The following GKN1 variants were observed in gnomAD, a reference collection of about 807,000 sequenced individuals.
GKN1 encodes the protein gastrokine-1.
Under a neutral mutation model 19.7 loss-of-function variants are expected in GKN1, and 17 were observed. The observed-to-expected ratio is 0.86, with a 90% CI of 0.59 to 1.29. GKN1 has a LOEUF of 1.29. Ranked by LOEUF, GKN1 falls within the 50% of genes most tolerant of loss-of-function variation. GKN1 has a pLI of 0.00. For missense variants in GKN1, 218 were observed against 224.5 expected (o/e 0.97, Z 0.19); for synonymous variants, 96 against 78.3 (o/e 1.23, Z -1.20).
intron 3 of GKN1, 80 bp from the exon 4 acceptor site, chr2:68,978,791 C>T (rs1670316042): frequency 2.8e-6 from 2 of 718,252 alleles, no homozygotes; most frequent in Non-Finnish European, 4.9e-6. Flanking sequence ...TCCCATTTCT[C>T]TCTGCAGGTG....
At chr2:68,978,229 GAAGAAAGAAAGAAGGAAGGAAAGA>G in intron 3 of GKN1, 1 of 116,908 alleles carries the variant, frequency 8.6e-6, no homozygotes, top group South Asian at 3.0e-4. Context: ...AGAGAGGAAA[GAAGAAAGAAAGAAGGAAGGAAAGA>G]AAGAAAGAAG....
chr2:68,978,325 GAGAAAGAGAGAAGGAA>G lies in GKN1; in HGVS notation c.205-527_205-512del, dbSNP rs918647913. Among the ~76,000 whole-genome samples, 6 of 136,362 alleles carry G rather than the reference GAGAAAGAGAGAAGGAA, an allele frequency of 4.4e-5. No individual in the cohort carries two copies. In the South Asian group the frequency reaches 7.3e-4, roughly 17 times the overall value. 89.5% of individuals were successfully genotyped at this position (136,362 alleles called of 152,430 possible). On this transcript the variant is annotated intron_variant, in intron 3 of 5. Transcript: ENST00000377938. ...GAGAAAGAAAGAAAAAGAAAAAAGA[GAGAAAGAGAGAAGGAA>G]AGAAAGAGAGAAGGAAAGGAAAAGA...
chr2:68,974,697 G>C lies in GKN1; in HGVS notation c.12+8G>C. 6.4e-7 allele frequency: 1 copy of C among 1,561,836 alleles called. No individual in the cohort carries two copies. Among genetic ancestry groups the C allele is most frequent in the Non-Finnish European group, 8.8e-7 (1 of 1,132,356 alleles). ...GACAAGATGAAGTTCACAGTGAGTAGATTTTTCCTTTTGAATTTACCACCA... is the reference window on the plus strand; with the variant it reads ...GACAAGATGAAGTTCACAGTGAGTACATTTTTCCTTTTGAATTTACCACCA... On this transcript the variant is annotated splice_region_variant and intron_variant, in intron 1 of 5. Coordinates refer to ENST00000377938, the MANE Select transcript of GKN1 (RefSeq NM_019617.4).
At chr2:68,976,570 C>T (rs997937692) in intron 1 of GKN1, among the ~76,000 whole-genome samples, 1 of 152,126 alleles carries the variant, frequency 6.6e-6, no homozygotes, top group African/African-American at 2.4e-5. Flanking sequence ...AATAACCAAG[C>T]CATGTCAGTT....
At position 68,980,843 on chromosome 2, in the gene GKN1, A is replaced by G. The variant is rs371896178; in HGVS notation, c.*20A>G. 200 of 1,160,588 alleles carry G rather than the reference A, an allele frequency of 1.7e-4. 1 individual carries two copies. The African/African-American group carries it at 2.3e-3, about 13-fold the overall frequency. 71.9% of individuals were successfully genotyped at this position (1,160,588 alleles called of 1,614,324 possible). The stretch of plus-strand genomic sequence containing the variant: ...AACTAAACAATTTTTTAAAGCCACT[A>G]TGGATTTAGTCATCTGAATATGCTG... On this transcript the variant is annotated 3_prime_UTR_variant, in exon 6 of 6. Coordinates refer to ENST00000377938, the MANE Select transcript of GKN1 (RefSeq NM_019617.4).
chr2:68,980,307 T>C (rs564187934), intron 5 of GKN1, among the ~76,000 whole-genome samples: 1 of 152,304 alleles, frequency 6.6e-6, no homozygotes, highest in Non-Finnish European at 1.5e-5. Context: ...TACAGAGAGG[T>C]CACAAAATCC....
intron 1 of GKN1, among the ~76,000 whole-genome samples, chr2:68,975,149 C>T (rs1482957034): frequency 6.6e-6 from 1 of 152,136 alleles, no homozygotes; most frequent in African/African-American, 2.4e-5. Flanking sequence ...ATTCCGGTCT[C>T]CATGCAGGGT....
At chr2:68,977,049 A>G (rs182719810) in intron 1 of GKN1, among the ~76,000 whole-genome samples, 43 of 152,332 alleles carry the variant, frequency 2.8e-4, no homozygotes, top group Non-Finnish European at 6.0e-4. Context: ...AGTCATCTTT[A>G]TGATACCACT....
At position 68,978,987 on chromosome 2, in the gene GKN1, AATAAAAGGCTTTTT is replaced by A. The variant is rs1385094502; in HGVS notation, c.315+9_315+22del. The A allele has an allele frequency of 6.9e-7, 1 of 1,448,504 alleles. No homozygotes were observed. The highest frequency in any genetic ancestry group is 1.2e-5 in the South Asian group (1 of 85,348). The allele number at this position is 1,448,504 out of a possible 1,614,324, so 89.7% of individuals were successfully genotyped here. A position where few individuals can be genotyped will look rare whatever the true frequency, so the allele number is the denominator to read the frequency against. ...CACTGGTCAAGGAAAAGAAGGTAAA[AATAAAAGGCTTTTT>A]ATTTTTGGTGAGGGGAGAGGTTTTA... On this transcript the variant is annotated splice_region_variant and intron_variant, in intron 4 of 5. Transcript: ENST00000377938.
At chr2:68,979,285 G>T (rs77405620) in intron 4 of GKN1, among the ~76,000 whole-genome samples, 2 of 152,326 alleles carry the variant, frequency 1.3e-5, no homozygotes, top group East Asian at 3.9e-4. Context: ...GCAAGAGTTA[G>T]TTAGGGTTAT....
intron 1 of GKN1, among the ~76,000 whole-genome samples, chr2:68,976,178 T>C (rs1670259548): frequency 6.6e-6 from 1 of 152,164 alleles, no homozygotes; most frequent in Admixed American, 6.6e-5. Flanking sequence ...AAAAGATTAT[T>C]TCTATTAGGA....
At chr2:68,977,998 C>G in intron 3 of GKN1, 1 of 541,464 alleles carries the variant, frequency 1.8e-6, no homozygotes. Flanking sequence ...CCAACAAACA[C>G]TATGTTCAAG....
chr2:68,977,921 T>C, intron 3 of GKN1, 147 bp downstream of exon 3: 1 of 669,458 alleles, frequency 1.5e-6, no homozygotes, highest in Non-Finnish European at 2.5e-6. Context: ...ACCATTTTGC[T>C]CATCCGATTT....
rs200879154 is a variant in GKN1, at chr2:68,977,686, C to G, written c.116C>G (p.Ser39Ter). 1.9e-5 allele frequency: 30 copies of G among 1,606,086 alleles called. No homozygotes were observed. The highest frequency in any genetic ancestry group is 2.4e-5 in the Non-Finnish European group (28 of 1,172,764). ...AACAATGCTGGAAGTGGGCAGCAGT[C>G]AGTGAGTGTCAACAATGAACACAAT... ...DNNNAGSGQQ[S>*]VSVNNEHNVA... Residue 39 changes from serine (S) to a stop codon, truncating the protein, a stop_gained, in exon 3 of 6, where the codon TCA becomes TGA. Transcript: ENST00000377938. LOFTEE classifies it high-confidence loss of function.
intron 1 of GKN1, among the ~76,000 whole-genome samples, chr2:68,975,187 C>T (rs549276751): frequency 1.3e-5 from 2 of 152,138 alleles, no homozygotes; most frequent in East Asian, 1.9e-4. Context: ...TAGAAAGTGC[C>T]GATCATCCCT....
At chr2:68,979,053 C>A in intron 4 of GKN1, 72 bp downstream of exon 4, 1 of 742,468 alleles carries the variant, frequency 1.3e-6, no homozygotes, top group Non-Finnish European at 2.4e-6. Context: ...ACGAGAAGAT[C>A]ACAGTCATTC....
intron 1 of GKN1, among the ~76,000 whole-genome samples, 171 bp from the exon 2 acceptor site, chr2:68,977,324 G>A (rs193227168): frequency 2.8e-4 from 42 of 151,942 alleles, no homozygotes; most frequent in African/African-American, 9.2e-4. Context: ...TCACATTATC[G>A]TTAAAACCTT....
At chr2:68,975,058 G>T (rs1349602144) in intron 1 of GKN1, among the ~76,000 whole-genome samples, 1 of 152,000 alleles carries the variant, frequency 6.6e-6, no homozygotes. Context: ...TATAGAGAAG[G>T]ATAATTGTGC....
intron 2 of GKN1, 27 bp downstream of exon 2, chr2:68,977,575 A>G (rs751480213): frequency 3.1e-6 from 5 of 1,605,482 alleles, no homozygotes; most frequent in Non-Finnish European, 4.3e-6. Context: ...CAAGTTTGCT[A>G]CCAAAATGCA....
Sources: allele counts gnomAD v4.1 joint callset (sites outside exome capture counted in the v4.1 genomes callset), GRCh38; gene constraint gnomAD v4.1.1; transcripts MANE v1.5; gene names NCBI Gene and HGNC (gene_info 2026-07-23, HGNC 2026-07-21).